The following MS4A4A variants were observed in gnomAD, a reference collection of about 807,000 sequenced individuals.
MS4A4A encodes the protein membrane-spanning 4-domains subfamily A member 4A.
MS4A4A carries 26 observed loss-of-function variants against 28.0 expected under a neutral mutation model. That is an observed-to-expected ratio of 0.93 (90% CI 0.68 to 1.29). The LOEUF (loss-of-function observed/expected upper bound fraction) is 1.29. Among genes scored for constraint, MS4A4A ranks in the 50% most tolerant of loss-of-function variants. The pLI is 0.00. For synonymous variants in MS4A4A, 86 were observed against 100.8 expected (o/e 0.85, Z 0.88); for missense variants, 290 against 293.1 (o/e 0.99, Z 0.08).
chr11:60,308,683 C>T lies in MS4A4A; in HGVS notation c.*505C>T, dbSNP rs2085030227. On this transcript the variant is annotated 3_prime_UTR_variant, in exon 7 of 7. Transcript: ENST00000337908. ...GAGATGCATGGCCATCTCCCCCTCC[C>T]TTTTTCCTTCTCCTGCTTTTCTTTC... is the stretch of plus-strand genomic sequence containing the variant. 1 of 152,838 alleles carries T rather than the reference C, an allele frequency of 6.5e-6. No homozygotes were observed. The allele number at this position is 152,838 out of a possible 1,614,324, so 9.5% of individuals were successfully genotyped here. A position where few individuals can be genotyped will look rare whatever the true frequency, so the allele number is the denominator to read the frequency against.
chr11:60,307,940 A>G (rs1481612228), intron 6 of MS4A4A, among the ~76,000 whole-genome samples, 167 bp from the exon 7 acceptor site: 1 of 152,172 alleles, frequency 6.6e-6, no homozygotes, highest in East Asian at 1.9e-4. Context: ...TGTGTCCTAA[A>G]TCAGGCCTGA....
chr11:60,297,536 A>G (rs1415398237), intron 3 of MS4A4A, among the ~76,000 whole-genome samples: 1 of 152,178 alleles, frequency 6.6e-6, no homozygotes, highest in Non-Finnish European at 1.5e-5. Context: ...TATATATGTC[A>G]GTTAGATATA....
chr11:60,305,358 G>C (rs1386993529), intron 5 of MS4A4A, among the ~76,000 whole-genome samples: 2 of 152,206 alleles, frequency 1.3e-5, no homozygotes, highest in Non-Finnish European at 2.9e-5. Flanking sequence ...GGTCTCACTA[G>C]GCTAAAATCA....
chr11:60,305,139 C>T (rs2084986655), intron 5 of MS4A4A, among the ~76,000 whole-genome samples: 1 of 152,152 alleles, frequency 6.6e-6, no homozygotes, highest in South Asian at 2.1e-4. Context: ...AGTGTACTGC[C>T]CAATGTTTTC....
At chr11:60,281,217 G>C (rs150523152) in intron 1 of MS4A4A, among the ~76,000 whole-genome samples, 7 of 152,130 alleles carry the variant, frequency 4.6e-5, no homozygotes, top group Non-Finnish European at 1.0e-4. Context: ...GCTGTGGCCT[G>C]ACCTAGTTCT....
At chr11:60,289,225 C>T (rs1028898418) in intron 1 of MS4A4A, among the ~76,000 whole-genome samples, 1 of 152,188 alleles carries the variant, frequency 6.6e-6, no homozygotes, top group African/African-American at 2.4e-5. Context: ...TCAGCACCAC[C>T]TCTGGGATAG....
In MS4A4A at chr11:60,308,245, A is replaced by G. The variant is rs938093025; in HGVS notation, c.*67A>G. On this transcript the variant is annotated 3_prime_UTR_variant, in exon 7 of 7. Transcript: ENST00000337908. The stretch of plus-strand genomic sequence containing the variant: ...GCTGACTGTGACACAAGAGCCTCAC[A>G]TGAGAAATTACCAGTATCCAACTTC... The G allele has an allele frequency of 2.7e-6, 4 of 1,473,844 alleles. No individual in the cohort carries two copies. Among genetic ancestry groups the G allele is most frequent in the East Asian group, 2.3e-5 (1 of 44,176 alleles). The allele number at this position is 1,473,844 out of a possible 1,614,324, so 91.3% of individuals were successfully genotyped here.
In MS4A4A at chr11:60,297,178, C is replaced by T. The variant is rs558911788; in HGVS notation, c.202-19C>T. On this transcript the variant is annotated intron_variant, in intron 2 of 6. Coordinates refer to ENST00000337908, the MANE Select transcript of MS4A4A (RefSeq NM_148975.3). ...TTTTGTGGTGGACAATCAGTTTTTG[C>T]TTTCTTCACCATTTTTAGGTTGTGC... 21 of 1,611,740 alleles carry T rather than the reference C, an allele frequency of 1.3e-5. No individual in the cohort carries two copies. In the South Asian group the frequency reaches 2.2e-4, roughly 17 times the overall value.
intron 2 of MS4A4A, among the ~76,000 whole-genome samples, chr11:60,294,899 CTTCTTCTTCTTCT>C (rs2084891387): frequency 3.7e-5 from 2 of 53,550 alleles, no homozygotes; most frequent in Admixed American, 4.9e-4. Context: ...ACTACTTCTT[CTTCTTCTTCTTCT>C]TCTTCTTCTT....
At chr11:60,295,534 G>A (rs2084898620) in intron 2 of MS4A4A, among the ~76,000 whole-genome samples, 1 of 152,076 alleles carries the variant, frequency 6.6e-6, no homozygotes, top group Non-Finnish European at 1.5e-5. Flanking sequence ...ATGTTGAAAG[G>A]AGTAGTGACA....
At chr11:60,282,144 G>T (rs1485682970) in intron 1 of MS4A4A, among the ~76,000 whole-genome samples, 5 of 152,168 alleles carry the variant, frequency 3.3e-5, no homozygotes, top group Admixed American at 6.6e-5. Context: ...TTATGGGAAA[G>T]CATAGGAGTC....
Position 60,302,647 on chromosome 11 carries a change from C to T in MS4A4A, c.476C>T (p.Ser159Leu). Residue 159 changes from serine (S) to leucine (L), a missense_variant, in exon 5 of 7, where the codon TCA (serine) becomes TTA (leucine). Physicochemically the swap from Ser to Leu is moderately radical, Grantham distance 145. Transcript: ENST00000337908. ...LINTFSLAFY[S>L]FHHPYCNYYG... ...AACACATTTAGCTTGGCGTTTTATTCATTCCATCACCCTTACTGTAACTAC... is the reference window on the plus strand; with the variant it reads ...AACACATTTAGCTTGGCGTTTTATTTATTCCATCACCCTTACTGTAACTAC... The T allele has an allele frequency of 6.2e-7, 1 of 1,613,976 alleles. No individual in the cohort carries two copies. The highest frequency in any genetic ancestry group is 1.7e-5 in the Admixed American group (1 of 60,030).
chr11:60,302,453 A>T, intron 4 of MS4A4A, 106 bp from the exon 5 acceptor site: 2 of 1,115,450 alleles, frequency 1.8e-6, no homozygotes, highest in Non-Finnish European at 2.6e-6. Flanking sequence ...AATAATCAAG[A>T]TAATGATAGA....
At chr11:60,280,815 G>T in intron 1 of MS4A4A, 99 bp downstream of exon 1, 2 of 1,409,396 alleles carry the variant, frequency 1.4e-6, no homozygotes, top group Non-Finnish European at 2.0e-6. Context: ...GAATAATGAG[G>T]CCACTTCCCA....
chr11:60,297,299 G>A lies in MS4A4A; in HGVS notation c.304G>A (p.Gly102Arg), dbSNP rs140018712. 19 of 1,613,100 alleles carry A rather than the reference G, an allele frequency of 1.2e-5. No homozygotes were observed. The African/African-American group carries it at 2.1e-4, about 18-fold the overall frequency. Reference protein sequence around the residue: ...YGSNPISVYIGYTIWGSVMFI... With the variant: ...YGSNPISVYIRYTIWGSVMFI... ...AAGTAACCCTATTTCCGTGTATATC[G>A]GGTACACAATTTGGGGGTCAGTAAT... is the stretch of plus-strand genomic sequence containing the variant. The change falls in exon 3 of 7, where the codon GGG becomes AGG. Residue 102 changes from glycine to arginine, a missense_variant. Coordinates refer to ENST00000337908, the MANE Select transcript of MS4A4A (RefSeq NM_148975.3).
At chr11:60,297,842 C>T (rs997565444) in intron 3 of MS4A4A, among the ~76,000 whole-genome samples, 1 of 152,100 alleles carries the variant, frequency 6.6e-6, no homozygotes, top group Non-Finnish European at 1.5e-5. Flanking sequence ...GGAGTCTACC[C>T]TACCTTTAGC....
At chr11:60,295,576 T>C (rs1304099499) in intron 2 of MS4A4A, among the ~76,000 whole-genome samples, 1 of 152,158 alleles carries the variant, frequency 6.6e-6, no homozygotes, top group East Asian at 1.9e-4. Context: ...CTGATCTTAG[T>C]GAGAAAGCTT....
intron 2 of MS4A4A, among the ~76,000 whole-genome samples, chr11:60,293,013 ATATGT>A (rs1003856834): frequency 4.6e-5 from 7 of 152,084 alleles, no homozygotes; most frequent in Non-Finnish European, 1.5e-5. Flanking sequence ...TTCTCATAAA[ATATGT>A]TATTTATGTT....
At chr11:60,293,389 TA>T (rs2084874713) in intron 2 of MS4A4A, among the ~76,000 whole-genome samples, 1 of 152,172 alleles carries the variant, frequency 6.6e-6, no homozygotes, top group Non-Finnish European at 1.5e-5. Flanking sequence ...GTTTTAGGCT[TA>T]AAGAAAAATT....
Sources: allele counts gnomAD v4.1 joint callset (sites outside exome capture counted in the v4.1 genomes callset), GRCh38; gene constraint gnomAD v4.1.1; transcripts MANE v1.5; gene names NCBI Gene and HGNC (gene_info 2026-07-23, HGNC 2026-07-21).